SPATA13: variants seen among roughly 807,000 people sequenced by gnomAD.
The protein encoded by SPATA13 is spermatogenesis associated 13, also known as spermatogenesis-associated protein 13.
Under a neutral mutation model 104.0 loss-of-function variants are expected in SPATA13, and 50 were observed. The observed-to-expected ratio is 0.48, with a 90% confidence interval of 0.38 to 0.61. SPATA13 has a LOEUF of 0.61. Among genes scored for constraint, SPATA13 ranks in the 20% least tolerant of loss-of-function variants. The pLI is 0.00. For synonymous variants in SPATA13, 606 were observed against 667.5 expected, an observed-to-expected ratio of 0.91 and a Z score of 1.42; for missense variants, 1,524 against 1,690.6, an observed-to-expected ratio of 0.90 and a Z score of 1.73.
At chr13:24,197,773 G>A (rs963851708) in intron 1 of SPATA13, among the ~76,000 whole-genome samples, 4 of 152,010 alleles carry the variant, frequency 2.6e-5, no homozygotes, top group African/African-American at 7.3e-5. Flanking sequence ...TAAAAAATAT[G>A]TATAAGGATT....
chr13:24,258,306 T>A (rs1332750842), intron 4 of SPATA13, among the ~76,000 whole-genome samples: 1 of 143,504 alleles, frequency 7.0e-6, no homozygotes, highest in Non-Finnish European at 1.5e-5. Flanking sequence ...GTGTCACAGA[T>A]GTGTGAAATT....
At chr13:24,277,249 C>T (rs1452427811) in intron 4 of SPATA13, among the ~76,000 whole-genome samples, 1 of 151,864 alleles carries the variant, frequency 6.6e-6, no homozygotes, top group Non-Finnish European at 1.5e-5. Flanking sequence ...TCGAGACCAT[C>T]CTGGCTAACA....
intron 3 of SPATA13, among the ~76,000 whole-genome samples, chr13:24,026,625 CG>C (rs1286956980): frequency 6.6e-6 from 1 of 151,988 alleles, no homozygotes; most frequent in Non-Finnish European, 1.5e-5. Flanking sequence ...TCACCCAGGC[CG>C]GAGTGCAGTG....
At chr13:24,069,893 G>C (rs975047993) in intron 3 of SPATA13, among the ~76,000 whole-genome samples, 5 of 152,186 alleles carry the variant, frequency 3.3e-5, no homozygotes, top group African/African-American at 1.2e-4. Flanking sequence ...GACCCCAAAA[G>C]GTGACCAACA....
intron 3 of SPATA13, among the ~76,000 whole-genome samples, chr13:24,127,179 A>G (rs9553191): frequency 0.087 from 13,240 of 152,212 alleles, 1,014 homozygotes; most frequent in East Asian, 0.44. Context: ...GGAGTTATTT[A>G]CAAAGGTGTG....
chr13:24,178,078 T>C (rs1401883632), intron 1 of SPATA13, among the ~76,000 whole-genome samples: 1 of 151,998 alleles, frequency 6.6e-6, no homozygotes, highest in Non-Finnish European at 1.5e-5. Flanking sequence ...GGTCTTGAAC[T>C]CCTAGATTCC....
At chr13:24,081,419 T>C (rs527957260) in intron 3 of SPATA13, among the ~76,000 whole-genome samples, 1 of 152,338 alleles carries the variant, frequency 6.6e-6, no homozygotes, top group South Asian at 2.1e-4. Flanking sequence ...CTTGGATATG[T>C]ATGCATCTGT....
intron 1 of SPATA13, among the ~76,000 whole-genome samples, chr13:24,221,594 GATGGACACAGGTGTGTGGGGAAGGC>G: frequency 6.6e-6 from 1 of 152,114 alleles, no homozygotes; most frequent in African/African-American, 2.4e-5. Flanking sequence ...GAGGGGAAGG[GATGGACACAGGTGTGTGGGGAAGGC>G]ATGGACACAG....
chr13:24,037,439 G>A (rs7321356), intron 3 of SPATA13, among the ~76,000 whole-genome samples: 125,958 of 151,854 alleles, frequency 0.83, 52,462 homozygotes, highest in Middle Eastern at 0.88. Flanking sequence ...ATAGAGTCTC[G>A]CTCTGTTGCC....
intron 1 of SPATA13, among the ~76,000 whole-genome samples, chr13:24,168,836 T>C (rs1345882911): frequency 1.3e-5 from 2 of 151,664 alleles, no homozygotes; most frequent in African/African-American, 2.4e-5. Context: ...TAAAATCCAT[T>C]TTAATTTTAA....
chr13:24,245,351 C>A (rs1873060926), intron 2 of SPATA13, among the ~76,000 whole-genome samples: 1 of 151,686 alleles, frequency 6.6e-6, no homozygotes, highest in African/African-American at 2.4e-5. Flanking sequence ...AGGAATTTAA[C>A]CGTCTTTTGG....
At chr13:23,987,422 G>C (rs1875203737) in intron 2 of SPATA13, among the ~76,000 whole-genome samples, 1 of 152,156 alleles carries the variant, frequency 6.6e-6, no homozygotes, top group African/African-American at 2.4e-5. Context: ...TTGGAGAAAA[G>C]TTTAAGTACT....
intron 3 of SPATA13, among the ~76,000 whole-genome samples, chr13:24,032,246 G>C (rs1877509338): frequency 6.6e-6 from 1 of 152,038 alleles, no homozygotes; most frequent in South Asian, 2.1e-4. Flanking sequence ...CCTGCTCCTT[G>C]GCTATAAATT....
chr13:24,025,088 C>T (rs1439354150), intron 3 of SPATA13, among the ~76,000 whole-genome samples: 1 of 151,606 alleles, frequency 6.6e-6, no homozygotes, highest in Non-Finnish European at 1.5e-5. Flanking sequence ...ACAGTCCTGT[C>T]TTCTTTCTAG....
intron 4 of SPATA13, among the ~76,000 whole-genome samples, chr13:24,252,463 T>C (rs1235181715): frequency 6.6e-6 from 1 of 152,202 alleles, no homozygotes; most frequent in Non-Finnish European, 1.5e-5. Context: ...GGTTAGGACT[T>C]CACCATCTTT....
At chr13:24,002,465 G>A (rs1160128877) in intron 2 of SPATA13, among the ~76,000 whole-genome samples, 1 of 152,142 alleles carries the variant, frequency 6.6e-6, no homozygotes, top group Non-Finnish European at 1.5e-5. Context: ...CTGGGGGAAG[G>A]AGTAGAGGAG....
At chr13:24,187,444 C>T (rs79251576) in intron 1 of SPATA13, among the ~76,000 whole-genome samples, 7 of 152,116 alleles carry the variant, frequency 4.6e-5, no homozygotes, top group African/African-American at 9.7e-5. Flanking sequence ...TGGAAAACAG[C>T]GACCGGCTTA....
intron 3 of SPATA13, among the ~76,000 whole-genome samples, chr13:24,118,668 G>A (rs1044271059): frequency 1.3e-5 from 2 of 152,074 alleles, no homozygotes; most frequent in Non-Finnish European, 2.9e-5. Context: ...GTAGCTTCAG[G>A]AAGCACACCC....
rs917513995 is a variant in SPATA13, at chr13:24,224,058, G to A, written c.1129G>A (p.Gly377Arg). ...RSTEQDSRRG[G>R]AVMHGTTATC... ...CACTGAGCAGGACAGCAGGCGGGGCGGGGCGGTCATGCATGGGACCACTGC... is the reference window on the plus strand; with the variant it reads ...CACTGAGCAGGACAGCAGGCGGGGCAGGGCGGTCATGCATGGGACCACTGC... Residue 377 changes from glycine (G) to arginine (R), a missense_variant, in exon 2 of 13, where the codon GGG (glycine) becomes AGG (arginine). Coordinates refer to ENST00000382108, the MANE Select transcript of SPATA13 (RefSeq NM_001166271.3). 23 of 1,548,714 alleles carry A rather than the reference G, an allele frequency of 1.5e-5. No homozygotes were observed. The highest frequency in any genetic ancestry group is 4.1e-5 in the African/African-American group (3 of 72,996).
Sources: gnomAD v4.1 joint callset for allele counts (sites outside exome capture counted in the v4.1 genomes callset) on GRCh38, gnomAD v4.1.1 for gene constraint, MANE v1.5 for transcripts, NCBI Gene and HGNC (gene_info 2026-07-23, HGNC 2026-07-21) for gene names.